TXLNB: variants seen among roughly 807,000 people sequenced by gnomAD.
The protein encoded by TXLNB is taxilin beta.
TXLNB carries 37 observed loss-of-function variants against 57.4 expected under a neutral mutation model. The observed-to-expected ratio is 0.64, with a 90% CI of 0.50 to 0.85. The LOEUF (loss-of-function observed/expected upper bound fraction) is 0.85. TXLNB is among the 40% of genes least tolerant of loss of function. The pLI is 0.00. For missense variants in TXLNB, 848 were observed against 825.6 expected, an observed-to-expected ratio of 1.03 and a Z score of -0.33; for synonymous variants, 302 against 309.6, an observed-to-expected ratio of 0.98 and a Z score of 0.26.
At chr6:139,190,305 C>CTTTTTTTTTTTTTT in the TXLNB span, among the ~76,000 whole-genome samples, 1 of 108,884 alleles carries the variant, frequency 9.2e-6, no homozygotes, top group Non-Finnish European at 1.8e-5. Context: ...TTCTTTCTTT[C>CTTTTTTTTTTTTTT]TTTCTTTTTT....
At chr6:139,161,939 C>T in the TXLNB span, among the ~76,000 whole-genome samples, 1 of 152,216 alleles carries the variant, frequency 6.6e-6, no homozygotes, top group Non-Finnish European at 1.5e-5. Context: ...AACCACTCTT[C>T]TACTTCTTTT....
At chr6:139,289,525 G>A (rs9495416) in intron 1 of TXLNB, among the ~76,000 whole-genome samples, 60,604 of 152,082 alleles carry the variant, frequency 0.4, 14,920 homozygotes, top group African/African-American at 0.71. Context: ...TTGTCCTGCT[G>A]CATTACAATT....
chr6:139,264,323 G>A (rs994747205), intron 4 of TXLNB, among the ~76,000 whole-genome samples: 4 of 152,140 alleles, frequency 2.6e-5, no homozygotes, highest in Admixed American at 2.0e-4. Context: ...TTTGGAATCA[G>A]AACTACAGAC....
At chr6:139,316,458 A>ATT in the TXLNB span, among the ~76,000 whole-genome samples, 1 of 150,058 alleles carries the variant, frequency 6.7e-6, no homozygotes, top group African/African-American at 2.4e-5. Flanking sequence ...TCTGCTAGTA[A>ATT]TTTTTTTTTT....
rs970120276 is a variant in TXLNB at position 139,240,986 on chromosome 6, T to G, written c.*1540A>C. ...TCTTTCTTCCCTTCTCCCTCCTTCC[T>G]TTCTTCCTTCCCTTTCCTCTCTCTC... On this transcript the variant is annotated 3_prime_UTR_variant, in exon 10 of 10. Transcript: ENST00000358430. 1.3e-5 allele frequency: 2 copies of G among 152,422 alleles called. No individual in the cohort carries two copies. Among genetic ancestry groups the G allele is most frequent in the African/African-American group, 4.8e-5 (2 of 41,452 alleles). The allele number at this position is 152,422 out of a possible 1,614,324, so 9.4% of individuals were successfully genotyped here.
chr6:139,255,912 G>GA (rs139954875), intron 6 of TXLNB, among the ~76,000 whole-genome samples: 2,922 of 132,796 alleles, frequency 0.022, 75 homozygotes, highest in African/African-American at 0.068. Flanking sequence ...CCTTGTCACT[G>GA]AAAAAAAAAA....
At chr6:139,185,121 T>A in the TXLNB span, among the ~76,000 whole-genome samples, 1 of 152,044 alleles carries the variant, frequency 6.6e-6, no homozygotes, top group Non-Finnish European at 1.5e-5. Context: ...CAGAACCCCA[T>A]GGTTCTGAAA....
intron 1 of TXLNB, among the ~76,000 whole-genome samples, chr6:139,289,512 G>A (rs1388372989): frequency 2.0e-5 from 3 of 152,286 alleles, no homozygotes; most frequent in Admixed American, 6.5e-5. Context: ...TTTTGTCTGC[G>A]GCTTGTCCTG....
chr6:139,167,434 C>T, the TXLNB span: 1 of 909,270 alleles, frequency 1.1e-6, no homozygotes, highest in Non-Finnish European at 1.6e-6. Context: ...TTTTTTTGTT[C>T]TAGTCAGGTG....
chr6:139,166,078 T>C, the TXLNB span: 1 of 505,950 alleles, frequency 2.0e-6, no homozygotes. Flanking sequence ...AGGTCCTTTT[T>C]AGAGATTCCA....
the TXLNB span, among the ~76,000 whole-genome samples, chr6:139,317,401 T>A: frequency 3.5e-4 from 40 of 115,564 alleles, no homozygotes; most frequent in African/African-American, 2.4e-3. Context: ...AAGACAGAGG[T>A]TTTTTTTTTT....
At chr6:139,186,345 C>G in the TXLNB span, among the ~76,000 whole-genome samples, 1 of 152,016 alleles carries the variant, frequency 6.6e-6, no homozygotes, top group Non-Finnish European at 1.5e-5. Context: ...ATAAAAAGTT[C>G]CCCCAAAAAA....
At chr6:139,309,308 G>T in the TXLNB span, among the ~76,000 whole-genome samples, 1 of 152,134 alleles carries the variant, frequency 6.6e-6, no homozygotes, top group African/African-American at 2.4e-5. Flanking sequence ...GATTCAGTAG[G>T]CTAGCTATGA....
the TXLNB span, among the ~76,000 whole-genome samples, chr6:139,212,252 G>C: frequency 2.8e-4 from 43 of 152,294 alleles, no homozygotes; most frequent in African/African-American, 1.0e-3. Context: ...CCCACAAAGG[G>C]AAGCCCATCA....
chr6:139,314,610 C>G, the TXLNB span, among the ~76,000 whole-genome samples: 1 of 152,174 alleles, frequency 6.6e-6, no homozygotes, highest in African/African-American at 2.4e-5. Context: ...GTGCCTTGGG[C>G]CTTGGTCACT....
Position 139,255,571 on chromosome 6 carries a change from T to C in TXLNB, c.1070A>G (p.Gln357Arg). ...TCGTCCACCTGGCCTCACCTGAGCC[T>C]GCAGGACTGTCTCTTGCTCCTTCAG... ...KVLKEQETVLQAQLTLYSGRF... is the reference protein window; with the variant it reads ...KVLKEQETVLRAQLTLYSGRF... Residue 357 changes from glutamine (Q) to arginine (R), a missense_variant, in exon 7 of 10, where the codon CAG becomes CGG. Physicochemically the swap from Gln to Arg is conservative, Grantham distance 43. Transcript: ENST00000358430. The C allele has an allele frequency of 6.2e-7, 1 of 1,613,804 alleles. No individual in the cohort carries two copies. Among genetic ancestry groups the C allele is most frequent in the Non-Finnish European group, 8.5e-7 (1 of 1,179,790 alleles).
intron 2 of TXLNB, among the ~76,000 whole-genome samples, chr6:139,278,683 G>C (rs1057287002): frequency 3.9e-5 from 6 of 152,186 alleles, no homozygotes; most frequent in African/African-American, 1.4e-4. Context: ...CCCATGGCAA[G>C]TGCTCAGTAA....
the TXLNB span, among the ~76,000 whole-genome samples, chr6:139,175,618 A>G: frequency 6.6e-6 from 1 of 152,136 alleles, no homozygotes. Context: ...ACTGGAAAGG[A>G]CCTGGGATCT....
At chr6:139,166,304 C>T in the TXLNB span, 2 of 1,608,694 alleles carry the variant, frequency 1.2e-6, no homozygotes, top group Non-Finnish European at 1.7e-6. Flanking sequence ...TGCCACTCCC[C>T]TGATCTGCAG....
Sources: allele counts gnomAD v4.1 joint callset (sites outside exome capture counted in the v4.1 genomes callset), GRCh38; gene constraint gnomAD v4.1.1; transcripts MANE v1.5; gene names NCBI Gene and HGNC (gene_info 2026-07-23, HGNC 2026-07-21).